Variants in PVT1 observed in about 807,000 individuals in gnomAD.
PVT1 encodes the protein Pvt1 oncogene.
At chr8:127,874,171 G>C (rs1203606045) in intron 2 of PVT1, among the ~76,000 whole-genome samples, 2 of 152,212 alleles carry the variant, frequency 1.3e-5, no homozygotes, top group Non-Finnish European at 2.9e-5. Flanking sequence ...CAGTGCTAGA[G>C]TGAATGACAC....
At chr8:127,885,540 T>C (rs1815513034) in intron 2 of PVT1, among the ~76,000 whole-genome samples, 1 of 152,192 alleles carries the variant, frequency 6.6e-6, no homozygotes, top group African/African-American at 2.4e-5. Flanking sequence ...TAAGGTATTT[T>C]ATACCTCTTT....
chr8:127,960,366 G>C (rs974638961), intron 3 of PVT1, among the ~76,000 whole-genome samples: 1 of 152,118 alleles, frequency 6.6e-6, no homozygotes, highest in African/African-American at 2.4e-5. Flanking sequence ...TTGCCTCCTG[G>C]AGGCCTGTAG....
At chr8:127,858,135 A>G (rs1398868439) in intron 2 of PVT1, among the ~76,000 whole-genome samples, 1 of 152,196 alleles carries the variant, frequency 6.6e-6, no homozygotes, top group Non-Finnish European at 1.5e-5. Context: ...TCATGCCTAT[A>G]ATCACGGCAC....
intron 4 of PVT1, among the ~76,000 whole-genome samples, chr8:128,005,640 G>A (rs898085556): frequency 3.3e-5 from 5 of 152,164 alleles, no homozygotes; most frequent in African/African-American, 1.2e-4. Flanking sequence ...TCTGGCTCCT[G>A]CTGTACTCCC....
intron 2 of PVT1, among the ~76,000 whole-genome samples, chr8:127,866,810 T>C (rs1815290809): frequency 6.6e-6 from 1 of 152,224 alleles, no homozygotes; most frequent in Non-Finnish European, 1.5e-5. Context: ...CTCCGAGACC[T>C]AGGCAGATCT....
intron 3 of PVT1, among the ~76,000 whole-genome samples, chr8:127,891,225 C>T (rs1815598547): frequency 6.6e-6 from 1 of 152,222 alleles, no homozygotes; most frequent in South Asian, 2.1e-4. Context: ...ACGTATCTGT[C>T]ACCATCTACC....
intron 4 of PVT1, among the ~76,000 whole-genome samples, chr8:128,016,364 G>T (rs1472096049): frequency 6.6e-6 from 1 of 152,008 alleles, no homozygotes; most frequent in Non-Finnish European, 1.5e-5. Context: ...TTGGGTTTGT[G>T]AACCTACCCT....
chr8:127,842,256 A>ATT (rs11347742), intron 2 of PVT1, among the ~76,000 whole-genome samples: 2 of 140,862 alleles, frequency 1.4e-5, no homozygotes, highest in Admixed American at 7.1e-5. Flanking sequence ...ACTGCTCTGG[A>ATT]TTTTTTTTTT....
chr8:127,877,426 T>G (rs1258332060), intron 2 of PVT1, among the ~76,000 whole-genome samples: 1 of 152,146 alleles, frequency 6.6e-6, no homozygotes, highest in East Asian at 1.9e-4. Context: ...GCCATTTCCT[T>G]TCATCCTCCT....
intron 3 of PVT1, among the ~76,000 whole-genome samples, chr8:127,894,283 T>C (rs1303482996): frequency 6.6e-6 from 1 of 152,188 alleles, no homozygotes; most frequent in African/African-American, 2.4e-5. Context: ...GGAAAGGCTG[T>C]GACTTGATCA....
intron 3 of PVT1, among the ~76,000 whole-genome samples, chr8:127,972,363 C>T (rs1461209919): frequency 1.3e-5 from 2 of 152,206 alleles, no homozygotes; most frequent in Non-Finnish European, 1.5e-5. Context: ...TGGTCACTCA[C>T]AGGGTGTTCG....
At chr8:128,063,782 T>G (rs769833543) in intron 4 of PVT1, among the ~76,000 whole-genome samples, 7 of 152,076 alleles carry the variant, frequency 4.6e-5, no homozygotes, top group Admixed American at 4.6e-4. Context: ...GTTCAAGAAG[T>G]CGATTTTGAC....
intron 2 of PVT1, among the ~76,000 whole-genome samples, chr8:127,808,671 G>A (rs1814555847): frequency 2.0e-5 from 3 of 152,128 alleles, no homozygotes; most frequent in African/African-American, 7.2e-5. Context: ...GAGAGAGCTG[G>A]ACTCGGCTCT....
intron 3 of PVT1, among the ~76,000 whole-genome samples, chr8:127,900,162 C>T (rs900479442): frequency 6.6e-6 from 1 of 152,158 alleles, no homozygotes; most frequent in African/African-American, 2.4e-5. Context: ...CTGCCTCAGC[C>T]TCCTGAGTAG....
At chr8:127,848,669 C>A (rs779906142) in intron 2 of PVT1, among the ~76,000 whole-genome samples, 1 of 152,068 alleles carries the variant, frequency 6.6e-6, no homozygotes, top group African/African-American at 2.4e-5. Flanking sequence ...GGCAACAAGA[C>A]CGAAACTCCG....
At chr8:127,832,720 T>C (rs1352097271) in intron 2 of PVT1, among the ~76,000 whole-genome samples, 3 of 152,060 alleles carry the variant, frequency 2.0e-5, no homozygotes. Flanking sequence ...TAGCCGGGCG[T>C]GGTGGCGGGT....
Position 127,966,044 on chromosome 8 carries a change from G to T in PVT1, n.783-23118G>T, listed in dbSNP as rs79813907. Among the ~76,000 whole-genome samples, 153 of 152,308 alleles carry T rather than the reference G, an allele frequency of 1.0e-3. No individual in the cohort carries two copies. In the East Asian group the frequency reaches 0.021, roughly 21 times the overall value. On this transcript the variant is annotated intron_variant and non_coding_transcript_variant, in intron 3 of 10. Transcript: ENST00000651587. ...GAGGTTTTGCCAGAGGCACATGGAG[G>T]GGGTAGCTTGCTTGGTTTGCATTAA...
intron 2 of PVT1, among the ~76,000 whole-genome samples, chr8:127,836,850 C>T (rs188319595): frequency 5.3e-5 from 8 of 152,272 alleles, no homozygotes; most frequent in African/African-American, 1.9e-4. Context: ...TTGGCGCCTG[C>T]ACTGCACCGA....
chr8:127,822,365 T>A (rs1234948733), intron 2 of PVT1, among the ~76,000 whole-genome samples: 1 of 152,152 alleles, frequency 6.6e-6, no homozygotes, highest in African/African-American at 2.4e-5. Flanking sequence ...ATAGTTGAGA[T>A]CAGAAGTTCT....
Sources: gnomAD v4.1 joint callset for allele counts (sites outside exome capture counted in the v4.1 genomes callset) on GRCh38, gnomAD v4.1.1 for gene constraint, MANE v1.5 for transcripts, NCBI Gene and HGNC (gene_info 2026-07-23, HGNC 2026-07-21) for gene names.